Variants in TAS2R1 observed in about 807,000 individuals in gnomAD.
TAS2R1 encodes taste 2 receptor member 1.
For synonymous variants in TAS2R1, 141 were observed against 134.2 expected (o/e 1.05, Z -0.35); for missense variants, 370 against 353.4 (o/e 1.05, Z -0.38).
chr5:9,628,320 G>T lies in TAS2R1; in HGVS notation c.*813C>A, dbSNP rs888270196. ...GAGGAGTTCCAAATTACCACTCTGG[G>T]TTGAAAGGGTCTCAAAGTCAGGCAC... On this transcript the variant is annotated 3_prime_UTR_variant, in exon 1 of 1. Transcript: ENST00000382492. 6.6e-6 allele frequency among the ~76,000 whole-genome samples: 1 copy of T among 152,152 alleles called. No individual in the cohort carries two copies. Among genetic ancestry groups the T allele is most frequent in the Non-Finnish European group, 1.5e-5 (1 of 68,036 alleles).
chr5:9,633,795 G>T (rs560390755), upstream of TAS2R1, among the ~76,000 whole-genome samples: 27 of 150,286 alleles, frequency 1.8e-4, no homozygotes, highest in African/African-American at 4.9e-4. Context: ...GGGATTATTG[G>T]TTTTTTTTTC....
chr5:9,697,255 T>C (rs1741380024), intron 1 of TAS2R1, among the ~76,000 whole-genome samples: 1 of 151,848 alleles, frequency 6.6e-6, no homozygotes, highest in Admixed American at 6.6e-5. Context: ...AAAAGGAAAT[T>C]GTCCTCAAAA....
intron 2 of TAS2R1, among the ~76,000 whole-genome samples, chr5:9,638,977 C>T (rs982150082): frequency 1.5e-4 from 23 of 152,278 alleles, no homozygotes; most frequent in Admixed American, 1.0e-3. Context: ...GCAGTGCCCC[C>T]GCTCAGTGCC....
chr5:9,695,331 A>C (rs1259053250), intron 1 of TAS2R1, among the ~76,000 whole-genome samples: 1 of 152,218 alleles, frequency 6.6e-6, no homozygotes, highest in East Asian at 1.9e-4. Flanking sequence ...TAAAATTTAT[A>C]ATGAAACGAA....
chr5:9,810,271 C>T, the TAS2R1 span, among the ~76,000 whole-genome samples: 4 of 152,210 alleles, frequency 2.6e-5, no homozygotes, highest in African/African-American at 9.6e-5. Context: ...CTTGACCTCG[C>T]ATTAGCATTT....
chr5:9,821,073 A>C, the TAS2R1 span, among the ~76,000 whole-genome samples: 3 of 152,220 alleles, frequency 2.0e-5, no homozygotes, highest in Non-Finnish European at 4.4e-5. Flanking sequence ...GGAGAAAGAG[A>C]GAGACCCTTG....
the TAS2R1 span, among the ~76,000 whole-genome samples, chr5:9,813,755 C>T: frequency 6.6e-6 from 1 of 151,922 alleles, no homozygotes; most frequent in Non-Finnish European, 1.5e-5. Context: ...TATATTTGAC[C>T]TCCCATCCTA....
chr5:9,634,400 T>C (rs1460510169), upstream of TAS2R1, among the ~76,000 whole-genome samples: 1 of 151,726 alleles, frequency 6.6e-6, no homozygotes, highest in Non-Finnish European at 1.5e-5. Flanking sequence ...TTTATTGTTG[T>C]TGTTGTTGCG....
the TAS2R1 span, among the ~76,000 whole-genome samples, chr5:9,863,410 G>A: frequency 4.6e-5 from 7 of 151,786 alleles, no homozygotes; most frequent in Admixed American, 6.6e-5. Flanking sequence ...TAGCTGGGAC[G>A]TGGGCTCCCA....
In TAS2R1 at chr5:9,695,737, C is replaced by T. The variant is rs143352460; in HGVS notation, c.-242+16435G>A. Among the ~76,000 whole-genome samples the T allele has an allele frequency of 7.8e-3, 1,188 of 152,126 alleles. 21 individuals carry two copies. Among genetic ancestry groups the T allele is most frequent in the African/African-American group, 0.028 (1,142 of 41,476 alleles). ...GTACTAGGGGACGTCATCTTGAGAC[C>T]TCAGCTAGGGTACATGCCTCAGTCA... On this transcript the variant is annotated intron_variant, in intron 1 of 2. Coordinates refer to the TAS2R1 transcript ENST00000506620.
At chr5:9,897,480 C>T in the TAS2R1 span, among the ~76,000 whole-genome samples, 2 of 152,050 alleles carry the variant, frequency 1.3e-5, no homozygotes, top group African/African-American at 4.8e-5. Flanking sequence ...CAAACAAAAA[C>T]ACCTAGATTT....
At chr5:9,741,001 T>C in the TAS2R1 span, among the ~76,000 whole-genome samples, 1,690 of 152,326 alleles carry the variant, frequency 0.011, 14 homozygotes, top group Middle Eastern at 0.02. Context: ...GTGGGACTTA[T>C]TATAAACAGA....
chr5:9,823,019 C>CAAAA, the TAS2R1 span, among the ~76,000 whole-genome samples: 5,232 of 114,082 alleles, frequency 0.046, 142 homozygotes, highest in East Asian at 0.15. Flanking sequence ...TCCTCTCCAC[C>CAAAA]AAAAAAAAAA....
the TAS2R1 span, among the ~76,000 whole-genome samples, chr5:9,806,993 C>T: frequency 5.3e-5 from 8 of 152,088 alleles, no homozygotes; most frequent in South Asian, 2.1e-4. Flanking sequence ...TCTTCATAAT[C>T]TATACATCTG....
intron 2 of TAS2R1, among the ~76,000 whole-genome samples, chr5:9,651,761 T>C (rs1009370572): frequency 1.3e-5 from 2 of 152,122 alleles, no homozygotes; most frequent in Admixed American, 1.3e-4. Context: ...AAGCAACTTA[T>C]GACTCACCAA....
chr5:9,725,389 G>T, the TAS2R1 span, among the ~76,000 whole-genome samples: 5 of 152,222 alleles, frequency 3.3e-5, no homozygotes, highest in African/African-American at 4.8e-5. Context: ...GGCTTGGCAG[G>T]CCCCGCACTT....
chr5:9,724,138 T>C, the TAS2R1 span, among the ~76,000 whole-genome samples: 2 of 152,214 alleles, frequency 1.3e-5, no homozygotes, highest in African/African-American at 4.8e-5. Flanking sequence ...GACCAGTGCA[T>C]GCCTTATTGA....
At chr5:9,728,568 T>G in the TAS2R1 span, among the ~76,000 whole-genome samples, 1 of 152,272 alleles carries the variant, frequency 6.6e-6, no homozygotes, top group South Asian at 2.1e-4. Flanking sequence ...TTTACCCAAA[T>G]GTATAGAAGG....
intron 1 of TAS2R1, among the ~76,000 whole-genome samples, chr5:9,694,915 C>T (rs1741327555): frequency 6.6e-6 from 1 of 152,150 alleles, no homozygotes; most frequent in Non-Finnish European, 1.5e-5. Flanking sequence ...TCCATGATAT[C>T]ATTCAGTGTT....
Sources: allele counts gnomAD v4.1 joint callset (sites outside exome capture counted in the v4.1 genomes callset), GRCh38; gene constraint gnomAD v4.1.1; transcripts MANE v1.5; gene names NCBI Gene and HGNC (gene_info 2026-07-23, HGNC 2026-07-21).